Variants in PLPPR1 observed in about 807,000 individuals in gnomAD.
PLPPR1 encodes phospholipid phosphatase related 1.
In PLPPR1, 10 loss-of-function variants were observed where a neutral mutation model predicts 33.1. That is an observed-to-expected ratio of 0.30 (90% CI 0.19 to 0.51). The LOEUF (loss-of-function observed/expected upper bound fraction) is 0.51. Among genes scored for constraint, PLPPR1 ranks in the 20% least tolerant of loss-of-function variants. The pLI is 0.97. For synonymous variants in PLPPR1, 151 were observed against 151.0 expected (o/e 1.00, Z 0.00); for missense variants, 304 against 408.1 (o/e 0.74, Z 2.20).
At chr9:101,111,828 A>C (rs532336862) in intron 1 of PLPPR1, among the ~76,000 whole-genome samples, 51 of 152,298 alleles carry the variant, frequency 3.3e-4, no homozygotes, top group African/African-American at 1.2e-3. Flanking sequence ...GTTTTAAGGT[A>C]TCTGTCCACC....
chr9:101,309,611 C>T, intron 5 of PLPPR1, 150 bp downstream of exon 5: 1 of 786,428 alleles, frequency 1.3e-6, no homozygotes, highest in Non-Finnish European at 2.0e-6. Context: ...ATATACTAGC[C>T]CCCCCACACA....
chr9:101,214,811 T>C (rs1162261362), intron 2 of PLPPR1, among the ~76,000 whole-genome samples: 1 of 151,940 alleles, frequency 6.6e-6, no homozygotes. Context: ...TCACTTGAGG[T>C]CAGGAGTTCA....
chr9:101,160,131 T>TGAG (rs981816218), intron 1 of PLPPR1, among the ~76,000 whole-genome samples: 1 of 152,126 alleles, frequency 6.6e-6, no homozygotes, highest in African/African-American at 2.4e-5. Flanking sequence ...CCTCTAGAAA[T>TGAG]GAGAAGAACA....
intron 2 of PLPPR1, among the ~76,000 whole-genome samples, chr9:101,192,889 A>T (rs1428723829): frequency 6.6e-6 from 1 of 152,240 alleles, no homozygotes; most frequent in African/African-American, 2.4e-5. Flanking sequence ...TTTCTTACTT[A>T]AACATCATTT....
intron 1 of PLPPR1, among the ~76,000 whole-genome samples, chr9:101,138,372 G>A (rs1272523524): frequency 1.3e-5 from 2 of 152,142 alleles, no homozygotes; most frequent in African/African-American, 4.8e-5. Flanking sequence ...GATTAGTGTA[G>A]TACCTGGCAC....
At chr9:101,251,919 A>T (rs1827718340) in intron 2 of PLPPR1, among the ~76,000 whole-genome samples, 1 of 152,176 alleles carries the variant, frequency 6.6e-6, no homozygotes, top group Non-Finnish European at 1.5e-5. Context: ...GTGTGTTTAT[A>T]TGCCTGAGGA....
chr9:101,302,934 A>T (rs974312485), intron 4 of PLPPR1, among the ~76,000 whole-genome samples: 1 of 152,202 alleles, frequency 6.6e-6, no homozygotes, highest in African/African-American at 2.4e-5. Flanking sequence ...ACATCGTTTT[A>T]CCATAGAGAA....
chr9:101,177,879 GC>G (rs1826040986), intron 1 of PLPPR1, among the ~76,000 whole-genome samples: 1 of 151,828 alleles, frequency 6.6e-6, no homozygotes, highest in South Asian at 2.1e-4. Context: ...ATCATAAATT[GC>G]TTTCAAAAAT....
At position 101,215,093 on chromosome 9, in the gene PLPPR1, G is replaced by A. The variant is rs188489302; in HGVS notation, c.63+29536G>A. Reference sequence around the variant, plus strand: ...CAGATAAACTCTCCTGAAATTTTATGTTTGTAATAGTAAAGTTATTTGAAA... The same window carrying A: ...CAGATAAACTCTCCTGAAATTTTATATTTGTAATAGTAAAGTTATTTGAAA... On this transcript the variant is annotated intron_variant, in intron 2 of 7. Coordinates refer to ENST00000374874, the MANE Select transcript of PLPPR1 (RefSeq NM_207299.2). Among the ~76,000 whole-genome samples, 159 of 151,596 alleles carry A rather than the reference G, an allele frequency of 1.0e-3. 1 individual carries two copies. The highest frequency in any genetic ancestry group is 1.5e-3 in the Non-Finnish European group (100 of 67,896).
At chr9:101,168,524 C>T (rs1212339635) in intron 1 of PLPPR1, among the ~76,000 whole-genome samples, 2 of 152,132 alleles carry the variant, frequency 1.3e-5, no homozygotes, top group Non-Finnish European at 2.9e-5. Context: ...CCTATGAATT[C>T]TCATTCTCTA....
chr9:101,262,278 A>C (rs1010598360), intron 2 of PLPPR1, among the ~76,000 whole-genome samples: 3 of 152,230 alleles, frequency 2.0e-5, no homozygotes, highest in Non-Finnish European at 2.9e-5. Flanking sequence ...ACGAAAATTT[A>C]GACCACACAC....
chr9:101,217,853 AATG>A, intron 2 of PLPPR1, among the ~76,000 whole-genome samples: 1 of 152,312 alleles, frequency 6.6e-6, no homozygotes, highest in African/African-American at 2.4e-5. Flanking sequence ...AACTTAAAAT[AATG>A]ATAAATTTCT....
chr9:101,244,840 T>A (rs1260090141), intron 2 of PLPPR1, among the ~76,000 whole-genome samples: 2 of 151,844 alleles, frequency 1.3e-5, no homozygotes, highest in Admixed American at 1.3e-4. Flanking sequence ...AAGATTAGTG[T>A]CCAGAATTTA....
intron 1 of PLPPR1, among the ~76,000 whole-genome samples, chr9:101,170,466 A>C (rs183886894): frequency 6.6e-6 from 1 of 152,258 alleles, no homozygotes. Context: ...ACCCCCAATG[A>C]TTCAATTACC....
chr9:101,076,592 T>C (rs557788256), intron 1 of PLPPR1, among the ~76,000 whole-genome samples: 18 of 152,348 alleles, frequency 1.2e-4, no homozygotes, highest in Non-Finnish European at 2.2e-4. Flanking sequence ...TCAAATACAC[T>C]TGTGGAAATG....
intron 1 of PLPPR1, among the ~76,000 whole-genome samples, chr9:101,109,461 T>C (rs1831023677): frequency 6.6e-6 from 1 of 152,222 alleles, no homozygotes; most frequent in South Asian, 2.1e-4. Context: ...TCATCATGTT[T>C]CGTATATCTA....
intron 4 of PLPPR1, among the ~76,000 whole-genome samples, chr9:101,304,709 G>A (rs953578297): frequency 1.2e-4 from 19 of 152,164 alleles, no homozygotes; most frequent in African/African-American, 4.1e-4. Context: ...ACTTTTCAGA[G>A]CTACAGCTTG....
intron 1 of PLPPR1, among the ~76,000 whole-genome samples, chr9:101,094,403 A>C (rs1830788359): frequency 6.6e-6 from 1 of 152,138 alleles, no homozygotes; most frequent in African/African-American, 2.4e-5. Context: ...AATACACAGG[A>C]ATGCAGAATG....
At chr9:101,077,944 A>C (rs1830559870) in intron 1 of PLPPR1, among the ~76,000 whole-genome samples, 1 of 151,082 alleles carries the variant, frequency 6.6e-6, no homozygotes, top group Non-Finnish European at 1.5e-5. Context: ...TGTGAGGGGG[A>C]AACAGAATTT....
Sources: gnomAD v4.1 joint callset for allele counts (sites outside exome capture counted in the v4.1 genomes callset) on GRCh38, gnomAD v4.1.1 for gene constraint, MANE v1.5 for transcripts, NCBI Gene and HGNC (gene_info 2026-07-23, HGNC 2026-07-21) for gene names.